KDM4C: variants seen among roughly 807,000 people sequenced by gnomAD.
KDM4C encodes the protein lysine-specific demethylase 4C.
A neutral mutation model predicts 129.3 loss-of-function variants in KDM4C; 81 were observed. The ratio of observed to expected loss-of-function variants is 0.63; its 90% CI spans 0.52 to 0.75. KDM4C has a LOEUF of 0.75. KDM4C is among the 30% of genes least tolerant of loss of function. KDM4C has a pLI of 0.00. For missense variants in KDM4C, 1,457 were observed against 1,304.0 expected (o/e 1.12, Z -1.81); for synonymous variants, 573 against 456.1 (o/e 1.26, Z -3.26).
At chr9:6,835,353 C>T (rs867774112) in intron 4 of KDM4C, 39 of 1,043,806 alleles carry the variant, frequency 3.7e-5, no homozygotes, top group East Asian at 3.1e-4. Context: ...TGCTGTCTGG[C>T]GGCACCACCA....
At chr9:6,920,005 A>G (rs1446456094) in intron 8 of KDM4C, among the ~76,000 whole-genome samples, 1 of 152,168 alleles carries the variant, frequency 6.6e-6, no homozygotes, top group African/African-American at 2.4e-5. Flanking sequence ...GCCTGCTACA[A>G]AGGCAAAATC....
At chr9:6,814,326 T>C (rs7035145) in intron 3 of KDM4C, among the ~76,000 whole-genome samples, 1 of 150,312 alleles carries the variant, frequency 6.7e-6, no homozygotes, top group Admixed American at 6.6e-5. Context: ...GTATAGTTGA[T>C]TAAAGATTTT....
At chr9:7,160,885 A>C (rs1001483365) in intron 19 of KDM4C, among the ~76,000 whole-genome samples, 1 of 152,118 alleles carries the variant, frequency 6.6e-6, no homozygotes, top group African/African-American at 2.4e-5. Context: ...AGGGAAGTTT[A>C]AGTCTGCAGA....
At chr9:7,174,471 A>AGC in intron 21 of KDM4C, 82 bp from the exon 22 acceptor site, 1 of 1,388,138 alleles carries the variant, frequency 7.2e-7, no homozygotes, top group Non-Finnish European at 1.0e-6. Flanking sequence ...CCCTAACCCC[A>AGC]GCTGACCGAG....
chr9:6,788,393 A>G (rs553802166), intron 1 of KDM4C, among the ~76,000 whole-genome samples: 2 of 152,288 alleles, frequency 1.3e-5, no homozygotes, highest in East Asian at 3.9e-4. Context: ...CCTGTCGAAG[A>G]TGAACACTGC....
At chr9:6,964,246 G>A (rs555261905) in intron 8 of KDM4C, among the ~76,000 whole-genome samples, 365 of 132,082 alleles carry the variant, frequency 2.8e-3, no homozygotes, top group African/African-American at 0.01. Flanking sequence ...CCCCTCCCCT[G>A]ACCCCCCAAC....
chr9:7,123,859 C>T (rs543168206), intron 18 of KDM4C, among the ~76,000 whole-genome samples: 3 of 152,274 alleles, frequency 2.0e-5, no homozygotes, highest in South Asian at 2.1e-4. Flanking sequence ...GGATTGTTTT[C>T]CTGGCAGTGA....
chr9:7,054,126 G>T (rs1334037374), intron 17 of KDM4C, among the ~76,000 whole-genome samples: 2 of 152,160 alleles, frequency 1.3e-5, no homozygotes, highest in African/African-American at 4.8e-5. Flanking sequence ...CACCTTCTCT[G>T]TTCACCAAAA....
At chr9:7,077,763 C>T (rs1220547766) in intron 17 of KDM4C, among the ~76,000 whole-genome samples, 1 of 152,198 alleles carries the variant, frequency 6.6e-6, no homozygotes, top group African/African-American at 2.4e-5. Flanking sequence ...CAACACAGTG[C>T]ATGCACCACA....
chr9:6,998,120 G>A (rs1441624236), intron 12 of KDM4C, among the ~76,000 whole-genome samples: 1 of 152,158 alleles, frequency 6.6e-6, no homozygotes, highest in Non-Finnish European at 1.5e-5. Flanking sequence ...GTAATGAGCT[G>A]TTAAGCATCT....
At chr9:7,159,085 C>T (rs898498636) in intron 19 of KDM4C, among the ~76,000 whole-genome samples, 1 of 152,134 alleles carries the variant, frequency 6.6e-6, no homozygotes, top group Admixed American at 6.5e-5. Context: ...ATCCCTTTAC[C>T]ATTATGTAAT....
At chr9:7,163,206 A>G (rs1281176119) in intron 19 of KDM4C, among the ~76,000 whole-genome samples, 1 of 152,102 alleles carries the variant, frequency 6.6e-6, no homozygotes, top group Non-Finnish European at 1.5e-5. Context: ...CATGCTTTTT[A>G]TAGTGCCTCT....
chr9:7,031,130 GTTTATTTA>G lies in KDM4C; in HGVS notation c.2259+15235_2259+15242del, dbSNP rs57636781. On this transcript the variant is annotated intron_variant, in intron 15 of 21. Transcript: ENST00000381309. Reference sequence around the variant, plus strand: ...ATTCATTGTGTCCTTTATTTTACTTGTTTATTTATTTATTTATTTATTTATTTATTTAT... The same window carrying G: ...ATTCATTGTGTCCTTTATTTTACTTGTTTATTTATTTATTTATTTATTTAT... 2.4e-3 allele frequency among the ~76,000 whole-genome samples: 336 copies of G among 141,246 alleles called. 2 individuals are homozygous for G. The highest frequency in any genetic ancestry group is 3.9e-3 in the Non-Finnish European group (257 of 65,836). The allele number at this position is 141,246 out of a possible 152,430, so 92.7% of individuals were successfully genotyped here.
At chr9:7,089,660 T>G (rs1278383553) in intron 17 of KDM4C, among the ~76,000 whole-genome samples, 1 of 152,216 alleles carries the variant, frequency 6.6e-6, no homozygotes, top group Non-Finnish European at 1.5e-5. Flanking sequence ...AAATAACCTT[T>G]CCAGTCCAAG....
chr9:6,722,827 T>C (rs1436496729), intron 1 of KDM4C, among the ~76,000 whole-genome samples: 1 of 151,962 alleles, frequency 6.6e-6, no homozygotes, highest in South Asian at 2.1e-4. Context: ...AAAGATTTTT[T>C]AAAAAATTAG....
chr9:7,011,966 C>A, intron 13 of KDM4C, 87 bp downstream of exon 13: 4 of 1,133,810 alleles, frequency 3.5e-6, no homozygotes, highest in Non-Finnish European at 5.1e-6. Flanking sequence ...TTGTTGTGGG[C>A]TTCCTTTGCA....
chr9:7,149,669 G>T (rs994853788), intron 19 of KDM4C, among the ~76,000 whole-genome samples: 2 of 152,260 alleles, frequency 1.3e-5, no homozygotes, highest in Non-Finnish European at 2.9e-5. Flanking sequence ...AGCAGTTAGT[G>T]TGGTGCCCAG....
chr9:6,858,364 C>G (rs1031259013), intron 5 of KDM4C, among the ~76,000 whole-genome samples: 4 of 152,064 alleles, frequency 2.6e-5, no homozygotes, highest in Non-Finnish European at 5.9e-5. Context: ...ACCACGACCA[C>G]CACCACCTAC....
At chr9:6,919,223 C>CTTCTTTTCTTTCTTTCTTTCTTTCT (rs1554643689) in intron 8 of KDM4C, among the ~76,000 whole-genome samples, 109 of 109,022 alleles carry the variant, frequency 1.0e-3, no homozygotes, top group Non-Finnish European at 1.6e-3. Flanking sequence ...TTTCTTTTTC[C>CTTCTTTTCTTTCTTTCTTTCTTTCT]TTCTTTCTTT....
Sources: allele counts gnomAD v4.1 joint callset (sites outside exome capture counted in the v4.1 genomes callset), GRCh38; gene constraint gnomAD v4.1.1; transcripts MANE v1.5; gene names NCBI Gene and HGNC (gene_info 2026-07-23, HGNC 2026-07-21).